PCDH11Y: variants seen among roughly 807,000 people sequenced by gnomAD.
PCDH11Y encodes protocadherin 11 Y-linked.
For synonymous variants in PCDH11Y, 9 were observed against 83.6 expected (o/e 0.11, Z 4.87); for missense variants, 12 against 224.8 (o/e 0.05, Z 6.05).
chrY:5,094,545 G>A, intron 1 of PCDH11Y, among the ~76,000 whole-genome samples: 3 of 29,973 alleles, frequency 1.0e-4, no homozygotes, highest in Admixed American at 6.5e-4. Context: ...CTGGAAAAAT[G>A]GGGGTTATGC....
intron 4 of PCDH11Y, among the ~76,000 whole-genome samples, chrY:5,701,703 C>T (rs2053578040): frequency 3.0e-5 from 1 of 33,175 alleles, no homozygotes; most frequent in African/African-American, 1.2e-4. Context: ...ACACAAAGTC[C>T]CCACTGAGGC....
At chrY:5,126,629 G>A (rs1172353317) in intron 2 of PCDH11Y, among the ~76,000 whole-genome samples, 5 of 32,719 alleles carry the variant, frequency 1.5e-4, no homozygotes, top group African/African-American at 3.6e-4. Flanking sequence ...ATTGTAGAAC[G>A]TTTGAAAAAT....
chrY:5,198,249 G>A, intron 2 of PCDH11Y, among the ~76,000 whole-genome samples: 1 of 23,595 alleles, frequency 4.2e-5, no homozygotes, highest in Non-Finnish European at 9.5e-5. Context: ...CTGGGTTCAA[G>A]CAATTCTCCT....
intron 1 of PCDH11Y, among the ~76,000 whole-genome samples, chrY:5,007,515 A>AT (rs2052541881): frequency 7.8e-5 from 1 of 12,837 alleles, no homozygotes; most frequent in Non-Finnish European, 1.7e-4. Context: ...GCAAATTGAG[A>AT]TTTTAGCTAA....
chrY:5,554,424 A>G, intron 3 of PCDH11Y, among the ~76,000 whole-genome samples: 1 of 34,444 alleles, frequency 2.9e-5, no homozygotes. Flanking sequence ...AGAAATTTGC[A>G]TAATTAACTA....
intron 2 of PCDH11Y, among the ~76,000 whole-genome samples, chrY:5,350,322 C>T (rs1602909182): frequency 3.2e-5 from 1 of 31,338 alleles, no homozygotes; most frequent in South Asian, 7.2e-4. Flanking sequence ...TGGTGTGCTG[C>T]ACTCGTTAAC....
intron 2 of PCDH11Y, among the ~76,000 whole-genome samples, chrY:5,403,630 A>G: frequency 3.0e-5 from 1 of 33,035 alleles, no homozygotes; most frequent in Admixed American, 2.8e-4. Flanking sequence ...TCTGTTGGAA[A>G]TGAGGCTCAA....
intron 4 of PCDH11Y, among the ~76,000 whole-genome samples, chrY:5,592,287 C>T: frequency 3.0e-5 from 1 of 33,028 alleles, no homozygotes; most frequent in Non-Finnish European, 7.4e-5. Context: ...CCCATCTTTG[C>T]TTTTTTCTAT....
chrY:5,077,305 T>C (rs2052711458), intron 1 of PCDH11Y, among the ~76,000 whole-genome samples: 1 of 33,536 alleles, frequency 3.0e-5, no homozygotes, highest in Admixed American at 2.7e-4. Flanking sequence ...TCAGTTCTAA[T>C]AGTTTTCTTG....
intron 2 of PCDH11Y, among the ~76,000 whole-genome samples, chrY:5,201,631 C>T: frequency 3.0e-5 from 1 of 33,218 alleles, no homozygotes. Flanking sequence ...ATGTCTGCAT[C>T]CTTTCCTGCC....
At chrY:5,312,542 G>A in intron 2 of PCDH11Y, among the ~76,000 whole-genome samples, 1 of 25,653 alleles carries the variant, frequency 3.9e-5, no homozygotes, top group Non-Finnish European at 8.8e-5. Context: ...ATATATATAA[G>A]ATATATATAT....
chrY:5,112,187 T>A, intron 2 of PCDH11Y, among the ~76,000 whole-genome samples: 1 of 33,663 alleles, frequency 3.0e-5, no homozygotes, highest in African/African-American at 1.2e-4. Flanking sequence ...ATCCTTGTCA[T>A]ATCCAGTACA....
intron 4 of PCDH11Y, among the ~76,000 whole-genome samples, chrY:5,734,063 G>T: frequency 6.1e-5 from 2 of 32,728 alleles, no homozygotes; most frequent in African/African-American, 2.4e-4. Flanking sequence ...CAACAAGGGG[G>T]GTGTTGCTCA....
chrY:5,435,576 A>T (rs2124681119), intron 2 of PCDH11Y, among the ~76,000 whole-genome samples: 1 of 32,046 alleles, frequency 3.1e-5, no homozygotes, highest in East Asian at 8.2e-4. Context: ...TCGGCCTCCC[A>T]AAGTGCTGAG....
chrY:5,665,987 C>T, intron 4 of PCDH11Y, among the ~76,000 whole-genome samples: 1 of 33,320 alleles, frequency 3.0e-5, no homozygotes, highest in African/African-American at 1.2e-4. Flanking sequence ...CCTCCATTTA[C>T]GCAAGTATAT....
intron 2 of PCDH11Y, among the ~76,000 whole-genome samples, chrY:5,319,603 G>A (rs1362008420): frequency 1.8e-3 from 61 of 33,022 alleles, no homozygotes; most frequent in Non-Finnish European, 1.5e-4. Flanking sequence ...GGCAACAAGT[G>A]AATTCTGTAG....
chrY:5,619,051 G>C, intron 4 of PCDH11Y, among the ~76,000 whole-genome samples: 1 of 29,904 alleles, frequency 3.3e-5, no homozygotes, highest in Non-Finnish European at 7.9e-5. Flanking sequence ...AAGAAAGAAA[G>C]AAAGAAAGAG....
intron 2 of PCDH11Y, among the ~76,000 whole-genome samples, chrY:5,383,659 G>A (rs2053207628): frequency 6.2e-5 from 2 of 32,419 alleles, no homozygotes; most frequent in African/African-American, 1.2e-4. Flanking sequence ...TAGCTCTGTC[G>A]CCAGGCTGGA....
exon 5 of PCDH11Y, chrY:5,740,329 G>A: frequency 3.0e-5 from 1 of 33,086 alleles, no homozygotes; most frequent in Non-Finnish European, 7.5e-5. Context: ...TACTAGGGAG[G>A]TTCTTAAATC....
Sources: allele counts gnomAD v4.1 joint callset (sites outside exome capture counted in the v4.1 genomes callset), GRCh38; gene constraint gnomAD v4.1.1; transcripts MANE v1.5; gene names NCBI Gene and HGNC (gene_info 2026-07-23, HGNC 2026-07-21).